Variants in CCM2 observed in about 807,000 individuals in gnomAD.
CCM2 encodes the protein CCM2 scaffold protein, also known as cerebral cavernous malformations 2 protein.
CCM2 carries 25 observed loss-of-function variants against 44.9 expected under a neutral mutation model. The ratio of observed to expected loss-of-function variants is 0.56; its 90% confidence interval spans 0.41 to 0.78. The LOEUF is 0.78. Ranked by LOEUF, CCM2 falls within the 30% of genes least tolerant of loss-of-function variation. The pLI, the probability that CCM2 is intolerant of heterozygous loss-of-function variation, is 0.00. For synonymous variants in CCM2, 219 were observed against 241.1 expected (o/e 0.91, Z 0.85); for missense variants, 481 against 580.6 (o/e 0.83, Z 1.76).
intron 5 of CCM2, among the ~76,000 whole-genome samples, 181 bp downstream of exon 5, chr7:45,068,760 A>G (rs1002642416): frequency 4.0e-5 from 6 of 151,886 alleles, no homozygotes; most frequent in Admixed American, 6.6e-5. Flanking sequence ...CTCTCTGCTC[A>G]ACCCTGCCCC....
At chr7:45,057,509 GC>G (rs879889734) in intron 2 of CCM2, among the ~76,000 whole-genome samples, 5 of 152,142 alleles carry the variant, frequency 3.3e-5, no homozygotes, top group Non-Finnish European at 5.9e-5. Flanking sequence ...TTTATATCAC[GC>G]TCTTTCCATG....
chr7:45,049,514 C>T (rs1445276326), intron 2 of CCM2, among the ~76,000 whole-genome samples: 1 of 152,198 alleles, frequency 6.6e-6, no homozygotes, highest in Non-Finnish European at 1.5e-5. Flanking sequence ...GCCGAGTGTT[C>T]ACATTAGCAC....
chr7:45,039,318 T>G (rs1797369252), intron 2 of CCM2, among the ~76,000 whole-genome samples: 1 of 152,210 alleles, frequency 6.6e-6, no homozygotes, highest in African/African-American at 2.4e-5. Context: ...TCCTTTTTCT[T>G]TCAAGCTTCT....
At chr7:45,031,149 G>C (rs868508923) in intron 1 of CCM2, among the ~76,000 whole-genome samples, 1 of 151,812 alleles carries the variant, frequency 6.6e-6, no homozygotes, top group Non-Finnish European at 1.5e-5. Flanking sequence ...TTGGGAGGCC[G>C]AGGTGGGTAG....
intron 1 of CCM2, among the ~76,000 whole-genome samples, chr7:45,022,227 G>T (rs541055532): frequency 6.7e-6 from 1 of 148,616 alleles, no homozygotes; most frequent in African/African-American, 2.5e-5. Flanking sequence ...TGTGGTTGGC[G>T]TTCAGAATTA....
At chr7:45,051,611 G>A (rs573739069) in intron 2 of CCM2, among the ~76,000 whole-genome samples, 1 of 147,146 alleles carries the variant, frequency 6.8e-6, no homozygotes, top group Non-Finnish European at 1.5e-5. Context: ...CTCCCAGGCT[G>A]TAGTGGTGGC....
At chr7:45,046,831 CAG>C (rs1348158646) in intron 2 of CCM2, among the ~76,000 whole-genome samples, 2 of 152,128 alleles carry the variant, frequency 1.3e-5, no homozygotes, top group East Asian at 3.8e-4. Context: ...ACATATCTGA[CAG>C]AGGGTTGGTA....
chr7:45,022,613 T>G (rs906638046), intron 1 of CCM2, among the ~76,000 whole-genome samples: 2 of 151,230 alleles, frequency 1.3e-5, no homozygotes, highest in Admixed American at 1.3e-4. Flanking sequence ...GCCTTTTCTT[T>G]AGAGTTTCTG....
chr7:45,027,914 G>C, intron 1 of CCM2: 1 of 1,050,890 alleles, frequency 9.5e-7, no homozygotes, highest in Non-Finnish European at 1.4e-6. Flanking sequence ...GGGTAGCCCA[G>C]TCTCCATGAC....
intron 1 of CCM2, among the ~76,000 whole-genome samples, chr7:45,010,159 T>G (rs1453048738): frequency 6.6e-6 from 1 of 152,092 alleles, no homozygotes; most frequent in Non-Finnish European, 1.5e-5. Context: ...AATCCTTCTG[T>G]CTCGGCCTGC....
At chr7:45,016,242 T>C (rs1312983386) in intron 1 of CCM2, among the ~76,000 whole-genome samples, 1 of 152,224 alleles carries the variant, frequency 6.6e-6, no homozygotes, top group South Asian at 2.1e-4. Flanking sequence ...ACCAAGTATA[T>C]ACATATTCAA....
At chr7:45,040,596 C>T (rs1256152228) in intron 2 of CCM2, among the ~76,000 whole-genome samples, 1 of 152,146 alleles carries the variant, frequency 6.6e-6, no homozygotes, top group Admixed American at 6.5e-5. Context: ...TGACTCCCCC[C>T]ATTGAAAGGA....
chr7:45,006,592 C>T (rs1338433694), intron 1 of CCM2, among the ~76,000 whole-genome samples: 1 of 152,176 alleles, frequency 6.6e-6, no homozygotes. Context: ...GATCCACCCA[C>T]CTCGGCCTCC....
chr7:45,000,405 C>A, intron 1 of CCM2, 42 bp downstream of exon 1: 1 of 920,058 alleles, frequency 1.1e-6, no homozygotes, highest in Non-Finnish European at 1.4e-6. Context: ...GGTCGGCGGG[C>A]GGCTGGGTTG....
intron 1 of CCM2, among the ~76,000 whole-genome samples, chr7:45,019,328 G>T (rs186128370): frequency 1.3e-5 from 2 of 151,944 alleles, no homozygotes. Context: ...TCCTGCTTCC[G>T]CCTCCTGGGA....
chr7:45,069,601 C>T (rs1316836144), intron 5 of CCM2, among the ~76,000 whole-genome samples: 1 of 152,232 alleles, frequency 6.6e-6, no homozygotes, highest in Non-Finnish European at 1.5e-5. Context: ...ACTTGCAATA[C>T]CACCCCTGGG....
chr7:45,034,884 C>G (rs1279693164), intron 1 of CCM2, among the ~76,000 whole-genome samples: 1 of 151,798 alleles, frequency 6.6e-6, no homozygotes, highest in Non-Finnish European at 1.5e-5. Context: ...GTTGCCCAGG[C>G]TGGAGTGCAA....
intron 6 of CCM2, 163 bp from the exon 7 acceptor site, chr7:45,072,563 C>T (rs1193415024): frequency 2.9e-6 from 2 of 695,928 alleles, no homozygotes; most frequent in East Asian, 2.7e-5. Context: ...TGCCCTGAGG[C>T]ACACAGCACA....
In CCM2 at chr7:45,040,949, C is replaced by G. The variant is rs181252674; in HGVS notation, c.204+2523C>G. ...AGGTTGCAGTGAGCCGAGATCGCAC[C>G]CCTGCACTCCAGCCTAGGCGACAGC... On this transcript the variant is annotated intron_variant, in intron 2 of 9. Transcript: ENST00000258781. 8.0e-3 allele frequency among the ~76,000 whole-genome samples: 1,214 copies of G among 152,282 alleles called. 10 individuals are homozygous for G. The highest frequency in any genetic ancestry group is 0.012 in the Non-Finnish European group (836 of 68,018).
Sources: gnomAD v4.1 joint callset for allele counts (sites outside exome capture counted in the v4.1 genomes callset) on GRCh38, gnomAD v4.1.1 for gene constraint, MANE v1.5 for transcripts, NCBI Gene and HGNC (gene_info 2026-07-23, HGNC 2026-07-21) for gene names.